The following COL13A1 variants were observed in gnomAD, a reference collection of about 807,000 sequenced individuals.
COL13A1 encodes collagen alpha-1(XIII) chain.
In COL13A1, 89 loss-of-function variants were observed where a neutral mutation model predicts 130.9. The observed-to-expected ratio is 0.68, with a 90% CI of 0.57 to 0.81. The LOEUF (loss-of-function observed/expected upper bound fraction) is 0.81, where lower values mean the gene tolerates loss of function less well. Ranked by LOEUF, COL13A1 falls within the 30% of genes least tolerant of loss-of-function variation. The pLI is 0.00. For missense variants in COL13A1, 879 were observed against 934.6 expected, an observed-to-expected ratio of 0.94 and a Z score of 0.78; for synonymous variants, 402 against 341.6, an observed-to-expected ratio of 1.18 and a Z score of -1.95.
In COL13A1 at chr10:69,878,144, T is replaced by TC. The variant is rs1361089173; in HGVS notation, c.462+86dup. 3.3e-5 allele frequency: 23 copies of TC among 693,134 alleles called. No individual in the cohort carries two copies. In the East Asian group the frequency reaches 3.8e-4, roughly 11 times the overall value. The allele number at this position is 693,134 out of a possible 1,614,324, so 42.9% of individuals were successfully genotyped here. The stretch of plus-strand genomic sequence containing the variant: ...ACTCTTGATGGGAGGCTCTCAGCCC[T>TC]CCCCCCCATGAAAGCCGCAGCAGAG... On this transcript the variant is annotated intron_variant, in intron 6 of 40. Coordinates refer to ENST00000645393, the MANE Select transcript of COL13A1 (RefSeq NM_001368882.1).
chr10:69,932,460 CCAGTCACG>C lies in COL13A1; in HGVS notation c.1684-99_1684-92del, dbSNP rs1475730805. On this transcript the variant is annotated intron_variant, in intron 30 of 40. Transcript: ENST00000645393. The stretch of plus-strand genomic sequence containing the variant: ...ATGGTGTTCCTTGTTGACCCCTAGA[CCAGTCACG>C]TCCCAGTCTAGTTTGTCACAGATGT... 3 of 800,842 alleles carry C rather than the reference CCAGTCACG, an allele frequency of 3.7e-6. No individual in the cohort carries two copies. In the Admixed American group the frequency reaches 6.0e-5, roughly 16 times the overall value. The allele number at this position is 800,842 out of a possible 1,614,324, so 49.6% of individuals were successfully genotyped here.
chr10:69,806,461 C>T (rs1049774016), intron 1 of COL13A1, among the ~76,000 whole-genome samples: 5 of 152,186 alleles, frequency 3.3e-5, no homozygotes, highest in Non-Finnish European at 7.3e-5. Flanking sequence ...TTGTGCAGAG[C>T]CGGGATTGGA....
At chr10:69,822,281 C>T (rs1157936325) in intron 1 of COL13A1, 88 bp from the exon 2 acceptor site, 52 of 1,018,930 alleles carry the variant, frequency 5.1e-5, no homozygotes, top group Non-Finnish European at 6.9e-5. Flanking sequence ...TCCCCCTCTT[C>T]CTGCCCTCCT....
intron 8 of COL13A1, 92 bp downstream of exon 8, chr10:69,887,583 CTT>C: frequency 7.4e-7 from 1 of 1,357,184 alleles, no homozygotes; most frequent in Non-Finnish European, 1.0e-6. Context: ...CGGTTCCACT[CTT>C]TCTCTCCCAA....
intron 2 of COL13A1, among the ~76,000 whole-genome samples, chr10:69,823,235 T>C (rs1353895385): frequency 6.6e-6 from 1 of 152,226 alleles, no homozygotes; most frequent in Non-Finnish European, 1.5e-5. Flanking sequence ...AGTGATAAGT[T>C]ACAGCTTATG....
chr10:69,945,148 C>CG (rs943714820), intron 36 of COL13A1, among the ~76,000 whole-genome samples: 1 of 152,156 alleles, frequency 6.6e-6, no homozygotes. Flanking sequence ...TGTGGGCATC[C>CG]GTCGAGTTCT....
intron 6 of COL13A1, among the ~76,000 whole-genome samples, 165 bp downstream of exon 6, chr10:69,878,230 A>G (rs2683548): frequency 0.14 from 21,316 of 152,200 alleles, 1,713 homozygotes; most frequent in Non-Finnish European, 0.19. Flanking sequence ...AACAGCTTCC[A>G]TAACATCGGG....
chr10:69,823,205 C>A, intron 2 of COL13A1, among the ~76,000 whole-genome samples: 1 of 152,216 alleles, frequency 6.6e-6, no homozygotes, highest in African/African-American at 2.4e-5. Context: ...GGTTCAAGTG[C>A]ATTGTCCACC....
At chr10:69,844,966 T>C (rs1263190652) in intron 2 of COL13A1, among the ~76,000 whole-genome samples, 1 of 152,174 alleles carries the variant, frequency 6.6e-6, no homozygotes. Context: ...CCTAAGGATC[T>C]TGAGAGATGA....
intron 1 of COL13A1, among the ~76,000 whole-genome samples, chr10:69,813,775 G>A (rs1325398948): frequency 2.6e-5 from 4 of 152,178 alleles, no homozygotes; most frequent in East Asian, 3.9e-4. Flanking sequence ...ATGTGGCTAC[G>A]AGTGGGCCTG....
At chr10:69,900,355 C>T (rs1292268676) in intron 14 of COL13A1, among the ~76,000 whole-genome samples, 2 of 152,214 alleles carry the variant, frequency 1.3e-5, no homozygotes, top group Admixed American at 6.5e-5. Context: ...CACTATCCCC[C>T]GCTTTACAAA....
intron 2 of COL13A1, among the ~76,000 whole-genome samples, chr10:69,858,314 T>G (rs1857031699): frequency 6.6e-6 from 1 of 152,158 alleles, no homozygotes; most frequent in Non-Finnish European, 1.5e-5. Context: ...GCTAAATATC[T>G]TACTTGTATT....
At chr10:69,902,886 C>G in intron 15 of COL13A1, 31 bp downstream of exon 15, 1 of 1,466,098 alleles carries the variant, frequency 6.8e-7, no homozygotes, top group Non-Finnish European at 9.1e-7. Context: ...TCCTTCAAGA[C>G]TTATCCCAAG....
chr10:69,928,294 G>GTA (rs1385173653), intron 27 of COL13A1, among the ~76,000 whole-genome samples: 1 of 152,090 alleles, frequency 6.6e-6, no homozygotes, highest in Non-Finnish European at 1.5e-5. Context: ...TTTGATAAGT[G>GTA]TATATACCCA....
chr10:69,903,336 A>G (rs1476091618), intron 15 of COL13A1, among the ~76,000 whole-genome samples: 1 of 152,200 alleles, frequency 6.6e-6, no homozygotes, highest in Non-Finnish European at 1.5e-5. Context: ...GTCAGCCAAG[A>G]GCCCTGCGCC....
At chr10:69,818,512 G>A (rs113399402) in intron 1 of COL13A1, among the ~76,000 whole-genome samples, 2,708 of 152,336 alleles carry the variant, frequency 0.018, 62 homozygotes, top group African/African-American at 0.021. Flanking sequence ...CACAGAAAGC[G>A]AGTTATCAAA....
intron 27 of COL13A1, among the ~76,000 whole-genome samples, 192 bp downstream of exon 27, chr10:69,927,302 C>T (rs950538406): frequency 1.3e-5 from 2 of 152,056 alleles, no homozygotes; most frequent in African/African-American, 2.4e-5. Context: ...AGGTGGGCCT[C>T]GAGAGCTGCC....
At chr10:69,896,238 T>G (rs1295258480) in intron 13 of COL13A1, among the ~76,000 whole-genome samples, 1 of 151,964 alleles carries the variant, frequency 6.6e-6, no homozygotes, top group African/African-American at 2.4e-5. Context: ...TTCCTTTTCC[T>G]TGCTCCACCC....
Position 69,919,189 on chromosome 10 carries a change from G to C in COL13A1, c.1026+101G>C. 2.7e-6 allele frequency: 4 copies of C among 1,493,590 alleles called. No individual in the cohort carries two copies. The South Asian group carries it at 4.6e-5, about 17-fold the overall frequency. The allele number at this position is 1,493,590 out of a possible 1,614,324, so 92.5% of individuals were successfully genotyped here. Reference sequence around the variant, plus strand: ...TTTGCTCTTGGTCCCCCTGAGGCTGGCCTGGGACTGGGGACCTGGCTAAGC... The same window carrying C: ...TTTGCTCTTGGTCCCCCTGAGGCTGCCCTGGGACTGGGGACCTGGCTAAGC... On this transcript the variant is annotated intron_variant, in intron 20 of 40. Coordinates refer to ENST00000645393, the MANE Select transcript of COL13A1 (RefSeq NM_001368882.1).
Sources: allele counts gnomAD v4.1 joint callset (sites outside exome capture counted in the v4.1 genomes callset), GRCh38; gene constraint gnomAD v4.1.1; transcripts MANE v1.5; gene names NCBI Gene and HGNC (gene_info 2026-07-23, HGNC 2026-07-21).